CDKL4: variants seen among roughly 807,000 people sequenced by gnomAD.
CDKL4 encodes cyclin dependent kinase like 4.
CDKL4 carries 44 observed loss-of-function variants against 42.0 expected under a neutral mutation model. The observed-to-expected ratio is 1.05, with a 90% CI of 0.82 to 1.35. The LOEUF (loss-of-function observed/expected upper bound fraction) is 1.35, where lower values mean the gene tolerates loss of function less well. CDKL4 is among the 40% of genes most tolerant of loss of function. CDKL4 has a pLI of 0.00. For synonymous variants in CDKL4, 120 were observed against 121.6 expected (o/e 0.99, Z 0.09); for missense variants, 393 against 369.9 (o/e 1.06, Z -0.51).
At chr2:39,190,137 G>A (rs1044997070) in intron 6 of CDKL4, among the ~76,000 whole-genome samples, 168 bp downstream of exon 6, 1 of 152,174 alleles carries the variant, frequency 6.6e-6, no homozygotes, top group Non-Finnish European at 1.5e-5. Context: ...TTTAGAAAAG[G>A]ATTGGGCTTT....
At chr2:39,190,449 C>T in exon 6 of CDKL4, 7 of 1,614,112 alleles carry the variant, frequency 4.3e-6, no homozygotes, top group African/African-American at 1.3e-5. Flanking sequence ...ACAAGAAGTT[C>T]AGGAGCTCGG....
intron 5 of CDKL4, among the ~76,000 whole-genome samples, chr2:39,196,753 A>G (rs114930222): frequency 0.023 from 3,488 of 152,180 alleles, 44 homozygotes; most frequent in South Asian, 0.027. Flanking sequence ...GACTACACGT[A>G]CGTGCTGCCA....
chr2:39,192,545 T>C (rs900237016), intron 5 of CDKL4, among the ~76,000 whole-genome samples: 2 of 151,262 alleles, frequency 1.3e-5, no homozygotes, highest in African/African-American at 4.8e-5. Context: ...AAAAATTTTT[T>C]TTTTTTTGTA....
chr2:39,194,325 A>G (rs1676380682), intron 5 of CDKL4, among the ~76,000 whole-genome samples: 1 of 152,172 alleles, frequency 6.6e-6, no homozygotes, highest in Admixed American at 6.5e-5. Context: ...TATCAAAAAT[A>G]CAAAAATACA....
At chr2:39,213,620 G>T in intron 3 of CDKL4, 148 bp from the exon 4 acceptor site, 2 of 441,500 alleles carry the variant, frequency 4.5e-6, no homozygotes, top group Middle Eastern at 3.4e-4. Flanking sequence ...AGTGAAAATT[G>T]GGCTTTACTA....
rs1553381166 is a variant in CDKL4 at position 39,185,371 on chromosome 2, T to TAC, written c.736-726_736-725dup. ...ACATATGTATATATACATATATATA[T>TAC]ACATATGTATATATACATGTATATA... is the stretch of plus-strand genomic sequence containing the variant. On this transcript the variant is annotated intron_variant, in intron 7 of 9. Transcript: ENST00000451199. 2.3e-3 allele frequency among the ~76,000 whole-genome samples: 86 copies of TAC among 37,006 alleles called. 25 individuals carry two copies. The highest frequency in any genetic ancestry group is 3.9e-3 in the African/African-American group (28 of 7,126). The allele number at this position is 37,006 out of a possible 152,430, so 24.3% of individuals were successfully genotyped here.
intron 9 of CDKL4, among the ~76,000 whole-genome samples, chr2:39,178,093 C>T (rs1675246108): frequency 6.6e-6 from 1 of 152,180 alleles, no homozygotes; most frequent in Admixed American, 6.5e-5. Context: ...TAAGTATAAG[C>T]TGCATTGGGC....
downstream of CDKL4, among the ~76,000 whole-genome samples, chr2:39,174,392 C>T (rs1329000804): frequency 2.7e-5 from 3 of 111,364 alleles, no homozygotes; most frequent in Non-Finnish European, 4.3e-5. Context: ...AGAGCAAGAC[C>T]CTGTCTCAAA....
chr2:39,232,426 T>G (rs1679130822), intron 1 of CDKL4, among the ~76,000 whole-genome samples: 1 of 152,206 alleles, frequency 6.6e-6, no homozygotes, highest in South Asian at 2.1e-4. Flanking sequence ...CCAGACCAAC[T>G]ATCCAACTGC....
At chr2:39,203,092 T>C (rs1304485477) in intron 5 of CDKL4, among the ~76,000 whole-genome samples, 1 of 152,216 alleles carries the variant, frequency 6.6e-6, no homozygotes, top group Non-Finnish European at 1.5e-5. Context: ...GACCCTAACA[T>C]TGAACTCAGT....
At chr2:39,174,639 A>G (rs531103835), downstream of CDKL4, among the ~76,000 whole-genome samples, 1 of 152,344 alleles carries the variant, frequency 6.6e-6, no homozygotes, top group South Asian at 2.1e-4. Flanking sequence ...GCAAAATTTG[A>G]CAACATTCAG....
chr2:39,225,879 C>A, exon 3 of CDKL4: 1 of 1,611,374 alleles, frequency 6.2e-7, no homozygotes, highest in Non-Finnish European at 8.5e-7. Context: ...AGTGTATGAT[C>A]ACAGTATTCA....
intron 5 of CDKL4, among the ~76,000 whole-genome samples, chr2:39,197,872 C>G (rs907955261): frequency 7.3e-5 from 11 of 149,722 alleles, no homozygotes; most frequent in African/African-American, 2.8e-4. Context: ...TGAAATACAC[C>G]AAAATAGAAT....
At chr2:39,229,325 C>G in intron 2 of CDKL4, 40 bp downstream of exon 2, 1 of 1,384,366 alleles carries the variant, frequency 7.2e-7, no homozygotes, top group Non-Finnish European at 9.8e-7. Context: ...ATATTTCACT[C>G]AATTCCATGA....
At chr2:39,214,922 A>T (rs1210931421) in intron 3 of CDKL4, among the ~76,000 whole-genome samples, 1 of 152,186 alleles carries the variant, frequency 6.6e-6, no homozygotes, top group Non-Finnish European at 1.5e-5. Context: ...GGGTCTGGGA[A>T]ACTTACTCTG....
At chr2:39,175,452 T>C (rs1055722368), downstream of CDKL4, among the ~76,000 whole-genome samples, 4 of 152,222 alleles carry the variant, frequency 2.6e-5, no homozygotes, top group South Asian at 8.3e-4. Context: ...AAGGAGAGCC[T>C]GCCATGGAAT....
chr2:39,188,612 T>G (rs1428216153), intron 6 of CDKL4, among the ~76,000 whole-genome samples: 2 of 146,710 alleles, frequency 1.4e-5, no homozygotes, highest in African/African-American at 5.1e-5. Flanking sequence ...AGAATGGTAC[T>G]ATGGTCTTTA....
exon 3 of CDKL4, chr2:39,225,843 T>C (rs1309184333): frequency 1.3e-5 from 20 of 1,599,938 alleles, no homozygotes; most frequent in Non-Finnish European, 1.7e-5. Flanking sequence ...ACTTACCCAT[T>C]TGGGTTTCTT....
chr2:39,200,051 G>T (rs1676757069), intron 5 of CDKL4, among the ~76,000 whole-genome samples: 1 of 152,030 alleles, frequency 6.6e-6, no homozygotes, highest in South Asian at 2.1e-4. Context: ...TCAAACTTTT[G>T]CTGTTGGCTG....
Sources: gnomAD v4.1 joint callset for allele counts (sites outside exome capture counted in the v4.1 genomes callset) on GRCh38, gnomAD v4.1.1 for gene constraint, MANE v1.5 for transcripts, NCBI Gene and HGNC (gene_info 2026-07-23, HGNC 2026-07-21) for gene names.